The following PDXP variants were observed in gnomAD, a reference collection of about 807,000 sequenced individuals.
PDXP encodes the protein chronophin.
In PDXP, 15 loss-of-function variants were observed where a neutral mutation model predicts 14.4. The observed-to-expected ratio is 1.04, with a 90% CI of 0.70 to 1.60. PDXP has a LOEUF of 1.60. PDXP is among the 40% of genes most tolerant of loss of function. The pLI is 0.00. For synonymous variants in PDXP, 233 were observed against 205.6 expected, an observed-to-expected ratio of 1.13 and a Z score of -1.14; for missense variants, 413 against 427.6, an observed-to-expected ratio of 0.97 and a Z score of 0.30.
chr22:37,666,237 C>G lies in PDXP; in HGVS notation c.*366C>G. On this transcript the variant is annotated 3_prime_UTR_variant, in exon 2 of 2. Transcript: ENST00000215904. ...TTCCCTGGGGCTTCTAGAGCTCTCTCTGCCCCTCAGGTCCTGGCCCTTGGG... is the reference window on the plus strand; with the variant it reads ...TTCCCTGGGGCTTCTAGAGCTCTCTGTGCCCCTCAGGTCCTGGCCCTTGGG... The G allele has an allele frequency of 3.1e-6, 1 of 317,860 alleles. No individual in the cohort carries two copies. The allele number at this position is 317,860 out of a possible 1,614,324, so 19.7% of individuals were successfully genotyped here.
chr22:37,661,930 T>A (rs1933215073), intron 1 of PDXP, among the ~76,000 whole-genome samples: 2 of 18,518 alleles, frequency 1.1e-4, no homozygotes, highest in African/African-American at 2.3e-4. Context: ...TTTTTTTTTT[T>A]TTTTTTTTTT....
At chr22:37,661,931 T>A (rs1357919094) in intron 1 of PDXP, among the ~76,000 whole-genome samples, 2 of 20,072 alleles carry the variant, frequency 1.0e-4, no homozygotes, top group African/African-American at 1.7e-4. Flanking sequence ...TTTTTTTTTT[T>A]TTTTTTTTTT....
Position 37,666,171 on chromosome 22 carries a change from T to A in PDXP, c.*300T>A, listed in dbSNP as rs1436277980. On this transcript the variant is annotated 3_prime_UTR_variant, in exon 2 of 2. Coordinates refer to ENST00000215904, the MANE Select transcript of PDXP (RefSeq NM_020315.5). ...TTGAAATCTGGGCCCTGGTGCCTGC[T>A]GAAGATTCCCTCTATCCCTGAGTAC... The A allele has an allele frequency of 2.0e-6, 1 of 496,166 alleles. No homozygotes were observed. Among genetic ancestry groups the A allele is most frequent in the Non-Finnish European group, 3.8e-6 (1 of 265,092 alleles). The allele number at this position is 496,166 out of a possible 1,614,324, so 30.7% of individuals were successfully genotyped here.
Position 37,659,135 on chromosome 22 carries a change from T to A in PDXP, c.353T>A (p.Leu118Gln). ...GTGTTCGTGCTGGGCGGCGAGGGGC[T>A]GCGCGCCGAGCTGCGCGCCGCGGGG... ...GAVFVLGGEG[L>Q]RAELRAAGLR... The change falls in exon 1 of 2, where the codon CTG becomes CAG. Residue 118 changes from leucine to glutamine, a missense_variant. Transcript: ENST00000215904. 9.8e-7 allele frequency: 1 copy of A among 1,018,328 alleles called. No homozygotes were observed. The highest frequency in any genetic ancestry group is 1.2e-6 in the Non-Finnish European group (1 of 853,788). 63.1% of individuals were successfully genotyped at this position (1,018,328 alleles called of 1,614,324 possible).
Position 37,659,261 on chromosome 22 carries a change from G to A in PDXP, c.479G>A (p.Arg160Lys). ...GAGCACTTCTCCTTCGCCAAGCTGAGGGAGGCGTGCGCGCACCTGCGCGAC... is the reference window on the plus strand; with the variant it reads ...GAGCACTTCTCCTTCGCCAAGCTGAAGGAGGCGTGCGCGCACCTGCGCGAC... Reference protein sequence around the residue: ...YDEHFSFAKLREACAHLRDPE... With the variant: ...YDEHFSFAKLKEACAHLRDPE... The change falls in exon 1 of 2, where the codon AGG becomes AAG. Residue 160 changes from arginine to lysine, a missense_variant. Transcript: ENST00000215904. 1 of 1,322,468 alleles carries A rather than the reference G, an allele frequency of 7.6e-7. No homozygotes were observed. 81.9% of individuals were successfully genotyped at this position (1,322,468 alleles called of 1,614,324 possible).
rs1933131852 is a variant in PDXP at position 37,658,801 on chromosome 22, C to G, written c.19C>G (p.Leu7Val). ...CGGCTGCATGGCGCGCTGCGAGAGG[C>G]TGCGCGGAGCGGCCCTGCGCGACGT... MARCERLRGAALRDVLG... is the reference protein window; with the variant it reads MARCERVRGAALRDVLG... The change falls in exon 1 of 2, where the codon CTG (leucine) becomes GTG (valine). Residue 7 changes from leucine to valine, a missense_variant. Transcript: ENST00000215904. 1 of 1,178,194 alleles carries G rather than the reference C, an allele frequency of 8.5e-7. No homozygotes were observed. Among genetic ancestry groups the G allele is most frequent in the Admixed American group, 4.6e-5 (1 of 21,756 alleles). The allele number at this position is 1,178,194 out of a possible 1,614,324, so 73.0% of individuals were successfully genotyped here.
intron 1 of PDXP, among the ~76,000 whole-genome samples, chr22:37,664,138 T>C (rs1254119455): frequency 6.6e-6 from 1 of 151,862 alleles, no homozygotes; most frequent in Non-Finnish European, 1.5e-5. Context: ...ACCATGTTGG[T>C]CAGGCTGGTC....
chr22:37,663,713 C>T (rs1422544332), intron 1 of PDXP, among the ~76,000 whole-genome samples: 1 of 152,006 alleles, frequency 6.6e-6, no homozygotes, highest in Non-Finnish European at 1.5e-5. Context: ...GACTCAAACC[C>T]TCCACCGTGG....
rs1921082719 is a variant in PDXP at position 37,666,342 on chromosome 22, T to C, written c.*471T>C. 1 of 196,552 alleles carries C rather than the reference T, an allele frequency of 5.1e-6. No homozygotes were observed. The highest frequency in any genetic ancestry group is 5.3e-5 in the Admixed American group (1 of 18,774). 12.2% of individuals were successfully genotyped at this position (196,552 alleles called of 1,614,324 possible). A position where few individuals can be genotyped will look rare whatever the true frequency, so the allele number is the denominator to read the frequency against. On this transcript the variant is annotated 3_prime_UTR_variant, in exon 2 of 2. Transcript: ENST00000215904. ...AATCCAAAGGCTAAGTGATAGTGACTCATCAATGTTGGGTCCTGTGGGGTA... is the reference window on the plus strand; with the variant it reads ...AATCCAAAGGCTAAGTGATAGTGACCCATCAATGTTGGGTCCTGTGGGGTA...
rs1045823044 is a variant in PDXP at position 37,658,806 on chromosome 22, C to T, written c.24C>T (p.Arg8=). 1.7e-5 allele frequency: 20 copies of T among 1,180,022 alleles called. No homozygotes were observed. The highest frequency in any genetic ancestry group is 1.4e-4 in the Admixed American group (3 of 21,818). 73.1% of individuals were successfully genotyped at this position (1,180,022 alleles called of 1,614,324 possible). ...GCATGGCGCGCTGCGAGAGGCTGCGCGGAGCGGCCCTGCGCGACGTGCTGG... is the reference window on the plus strand; with the variant it reads ...GCATGGCGCGCTGCGAGAGGCTGCGTGGAGCGGCCCTGCGCGACGTGCTGG... MARCERL[R]GAALRDVLGR... is the part of the protein sequence containing the mutation. The change falls in exon 1 of 2, where the codon CGC becomes CGT. Residue 8 remains arginine, a synonymous_variant. Coordinates refer to ENST00000215904, the MANE Select transcript of PDXP (RefSeq NM_020315.5).
rs1933146595 is a variant in PDXP at position 37,659,149 on chromosome 22, C to T, written c.367C>T (p.Arg123Cys). ...LGGEGLRAEL[R>C]AAGLRLAGDP... ...CGGCGAGGGGCTGCGCGCCGAGCTG[C>T]GCGCCGCGGGGCTGCGCCTGGCCGG... The change falls in exon 1 of 2, where the codon CGC (arginine) becomes TGC (cysteine). Residue 123 changes from arginine (R) to cysteine (C), a missense_variant. Physicochemically the swap from Arg to Cys is radical, Grantham distance 180 (BLOSUM62 -3). Coordinates refer to ENST00000215904, the MANE Select transcript of PDXP (RefSeq NM_020315.5). The T allele has an allele frequency of 9.7e-7, 1 of 1,036,074 alleles. No homozygotes were observed. Among genetic ancestry groups the T allele is most frequent in the East Asian group, 8.1e-5 (1 of 12,394 alleles). 64.2% of individuals were successfully genotyped at this position (1,036,074 alleles called of 1,614,324 possible).
In PDXP at chr22:37,666,464, G is replaced by C. The variant is rs58081851; in HGVS notation, c.*593G>C. The C allele has an allele frequency of 0.01, 1,820 of 174,132 alleles. 34 individuals carry two copies. Among genetic ancestry groups the C allele is most frequent in the African/African-American group, 0.042 (1,738 of 41,592 alleles). 10.8% of individuals were successfully genotyped at this position (174,132 alleles called of 1,614,324 possible). Reference sequence around the variant, plus strand: ...GTGACGATGACCCTCGCATGTCCTAGGTCCCTGGGTGGACCCATCAGGACC... The same window carrying C: ...GTGACGATGACCCTCGCATGTCCTACGTCCCTGGGTGGACCCATCAGGACC... On this transcript the variant is annotated 3_prime_UTR_variant, in exon 2 of 2. Transcript: ENST00000215904.
At position 37,665,598 on chromosome 22, in the gene PDXP, C is replaced by T; in HGVS notation, c.618C>T (p.Arg206=). The change falls in exon 2 of 2, where the codon CGC becomes CGT. Residue 206 remains arginine (R), a synonymous_variant. Transcript: ENST00000215904. ...CTGCAGTGGAGACAGCCTCGGGACGCCAGGCCCTGGTGGTGGGCAAGCCCA... is the reference window on the plus strand; with the variant it reads ...CTGCAGTGGAGACAGCCTCGGGACGTCAGGCCCTGGTGGTGGGCAAGCCCA... ...LAAAVETASG[R]QALVVGKPSP... is the part of the protein sequence containing the mutation. 1 of 1,613,074 alleles carries T rather than the reference C, an allele frequency of 6.2e-7. No individual in the cohort carries two copies.
Position 37,658,919 on chromosome 22 carries a change from G to C in PDXP, c.137G>C (p.Arg46Pro). ...CCGGGCGCCCCGGAGCTGCTGGAGC[G>C]GCTGGCGCGGGCCGGCAAGGCGGCT... The part of the protein sequence containing the change: ...AVPGAPELLE[R>P]LARAGKAALF... Residue 46 changes from arginine (R) to proline (P), a missense_variant, in exon 1 of 2, where the codon CGG (arginine) becomes CCG (proline). Arg to Pro is a moderately radical substitution (Grantham distance 103). Transcript: ENST00000215904. 2.5e-6 allele frequency: 3 copies of C among 1,220,264 alleles called. No homozygotes were observed. Among genetic ancestry groups the C allele is most frequent in the Non-Finnish European group, 3.1e-6 (3 of 977,648 alleles). The allele number at this position is 1,220,264 out of a possible 1,614,324, so 75.6% of individuals were successfully genotyped here.
chr22:37,660,982 G>A (rs1933191748), intron 1 of PDXP, among the ~76,000 whole-genome samples: 1 of 152,178 alleles, frequency 6.6e-6, no homozygotes, highest in Non-Finnish European at 1.5e-5. Context: ...CTATAAGTCT[G>A]TGTTGAGGGC....
chr22:37,659,033 A>G lies in PDXP; in HGVS notation c.251A>G (p.Gln84Arg), dbSNP rs1257919171. The change falls in exon 1 of 2, where the codon CAG (glutamine) becomes CGG (arginine). Residue 84 changes from glutamine to arginine, a missense_variant. Gln to Arg is a conservative substitution (Grantham distance 43). Coordinates refer to ENST00000215904, the MANE Select transcript of PDXP (RefSeq NM_020315.5). ...RLGFGGLRAE[Q>R]LFSSALCAAR... ...GGCTTCGGGGGGCTGCGCGCCGAGC[A>G]GCTCTTCAGCTCCGCGCTGTGCGCC... is the stretch of plus-strand genomic sequence containing the variant. 4 of 1,163,256 alleles carry G rather than the reference A, an allele frequency of 3.4e-6. No homozygotes were observed. Among genetic ancestry groups the G allele is most frequent in the Admixed American group, 4.6e-5 (1 of 21,702 alleles). 72.1% of individuals were successfully genotyped at this position (1,163,256 alleles called of 1,614,324 possible).
chr22:37,659,021 T>C lies in PDXP; in HGVS notation c.239T>C (p.Leu80Pro). 2 of 1,182,038 alleles carry C rather than the reference T, an allele frequency of 1.7e-6. No homozygotes were observed. Among genetic ancestry groups the C allele is most frequent in the South Asian group, 3.3e-5 (1 of 30,656 alleles). 73.2% of individuals were successfully genotyped at this position (1,182,038 alleles called of 1,614,324 possible). A position where few individuals can be genotyped will look rare whatever the true frequency, so the allele number is the denominator to read the frequency against. Residue 80 changes from leucine to proline, a missense_variant, in exon 1 of 2, where the codon CTG becomes CCG. By Grantham distance (98) the Leu-to-Pro change is moderately conservative (BLOSUM62 -3). Coordinates refer to ENST00000215904, the MANE Select transcript of PDXP (RefSeq NM_020315.5). ...TTCGCGCGCCTCGGCTTCGGGGGGC[T>C]GCGCGCCGAGCAGCTCTTCAGCTCC... is the stretch of plus-strand genomic sequence containing the variant. ...LRFARLGFGG[L>P]RAEQLFSSAL...
intron 1 of PDXP, chr22:37,665,170 C>A: frequency 7.6e-6 from 2 of 264,888 alleles, no homozygotes; most frequent in Non-Finnish European, 1.5e-5. Flanking sequence ...AGTGGTTTGT[C>A]CAAAGGTCCA....
chr22:37,658,749 G>T lies in PDXP; in HGVS notation c.-34G>T, dbSNP rs559384342. ...AGAGCGCGCCGTGCCCGCGGAGAGA[G>T]CGCGGCGCGGGAGGCCGGCGGCCGG... is the stretch of plus-strand genomic sequence containing the variant. On this transcript the variant is annotated 5_prime_UTR_variant, in exon 1 of 2. Coordinates refer to ENST00000215904, the MANE Select transcript of PDXP (RefSeq NM_020315.5). The T allele has an allele frequency of 2.4e-5, 27 of 1,139,918 alleles. No homozygotes were observed. The South Asian group carries it at 6.0e-4, about 25-fold the overall frequency. The allele number at this position is 1,139,918 out of a possible 1,614,324, so 70.6% of individuals were successfully genotyped here. A position where few individuals can be genotyped will look rare whatever the true frequency, so the allele number is the denominator to read the frequency against.
Sources: allele counts gnomAD v4.1 joint callset (sites outside exome capture counted in the v4.1 genomes callset), GRCh38; gene constraint gnomAD v4.1.1; transcripts MANE v1.5; gene names NCBI Gene and HGNC (gene_info 2026-07-23, HGNC 2026-07-21).